The following OSGEP variants were observed in gnomAD, a reference collection of about 807,000 sequenced individuals.
OSGEP encodes the protein O-sialoglycoprotein endopeptidase.
Under a neutral mutation model 44.1 loss-of-function variants are expected in OSGEP, and 39 were observed. That is an observed-to-expected ratio of 0.88 (90% CI 0.69 to 1.16). The LOEUF (loss-of-function observed/expected upper bound fraction) is 1.16, where lower values mean the gene tolerates loss of function less well. Ranked by LOEUF, OSGEP falls within the 50% of genes most tolerant of loss-of-function variation. The pLI is 0.00. For synonymous variants in OSGEP, 139 were observed against 161.9 expected (o/e 0.86, Z 1.07); for missense variants, 403 against 443.1 (o/e 0.91, Z 0.81).
At chr14:20,451,910 A>G in intron 3 of OSGEP, 64 bp downstream of exon 3, 1 of 1,377,758 alleles carries the variant, frequency 7.3e-7, no homozygotes, top group Non-Finnish European at 9.8e-7. Context: ...CTCAGATAGA[A>G]CAAAGAAAAT....
At chr14:20,454,498 T>G in intron 1 of OSGEP, 71 bp downstream of exon 1, 1 of 1,035,576 alleles carries the variant, frequency 9.7e-7, no homozygotes, top group Non-Finnish European at 1.5e-6. Flanking sequence ...CTCACTAGTA[T>G]TTAGGAAGAT....
At chr14:20,450,781 A>G (rs1881075541) in intron 3 of OSGEP, 1 of 152,250 alleles carries the variant, frequency 6.6e-6, no homozygotes, top group African/African-American at 2.4e-5. Context: ...AAGGTCATAT[A>G]AGGTAACCCA....
rs776471934 is a variant in OSGEP, at chr14:20,449,173, T to C, written c.505A>G (p.Lys169Glu). Residue 169 changes from lysine to glutamate, a missense_variant and splice_region_variant, in exon 4 of 11, where the codon AAG (lysine) becomes GAG (glutamate). Coordinates refer to ENST00000206542, the MANE Select transcript of OSGEP (RefSeq NM_017807.4). ...TCTCTGCAGCCCCACTGGCTTACCT[T>C]CAGCACTCGAGCAAAACGATCCAGA... ...NCLDRFARVL[K>E]ISNDPSPGYN... 2 of 1,608,016 alleles carry C rather than the reference T, an allele frequency of 1.2e-6. No homozygotes were observed. The highest frequency in any genetic ancestry group is 1.7e-6 in the Non-Finnish European group (2 of 1,174,440).
chr14:20,453,693 C>T (rs987915633), intron 1 of OSGEP, among the ~76,000 whole-genome samples: 16 of 152,116 alleles, frequency 1.1e-4, no homozygotes, highest in Non-Finnish European at 2.1e-4. Flanking sequence ...ATCTAATCTT[C>T]AAGACCTAAT....
At position 20,446,989 on chromosome 14, in the gene OSGEP, G is replaced by A. The variant is rs1302288240; in HGVS notation, c.*251C>T. ...CTCATTCTTGGTTCCACAGCAGCAAGCTCCAACAAGAATTTATCCAGCACC... is the reference window on the plus strand; with the variant it reads ...CTCATTCTTGGTTCCACAGCAGCAAACTCCAACAAGAATTTATCCAGCACC... On this transcript the variant is annotated 3_prime_UTR_variant, in exon 11 of 11. Transcript: ENST00000206542. 4.6e-6 allele frequency: 2 copies of A among 430,706 alleles called. No homozygotes were observed. Among genetic ancestry groups the A allele is most frequent in the Non-Finnish European group, 8.2e-6 (2 of 243,534 alleles). 26.7% of individuals were successfully genotyped at this position (430,706 alleles called of 1,614,324 possible). A position where few individuals can be genotyped will look rare whatever the true frequency, so the allele number is the denominator to read the frequency against.
intron 10 of OSGEP, 26 bp downstream of exon 10, chr14:20,447,396 C>T (rs376269131): frequency 5.0e-6 from 8 of 1,604,030 alleles, no homozygotes; most frequent in African/African-American, 1.3e-5. Context: ...CAATAATCTA[C>T]CCTCACCAAG....
intron 1 of OSGEP, among the ~76,000 whole-genome samples, chr14:20,453,370 CT>C (rs201247417): frequency 4.5e-4 from 46 of 102,678 alleles, no homozygotes; most frequent in East Asian, 8.3e-4. Context: ...GTGTTTTGTA[CT>C]TTTTTTTTTT....
At chr14:20,453,936 T>C (rs933131731) in intron 1 of OSGEP, among the ~76,000 whole-genome samples, 3 of 152,042 alleles carry the variant, frequency 2.0e-5, no homozygotes. Context: ...GAAGAATCGC[T>C]TGAACCTGGA....
chr14:20,451,797 C>T (rs1881106138), intron 3 of OSGEP, 177 bp downstream of exon 3: 5 of 496,674 alleles, frequency 1.0e-5, no homozygotes, highest in Admixed American at 7.6e-5. Flanking sequence ...ATGTTCTGAT[C>T]ATGCTGCCAA....
intron 1 of OSGEP, among the ~76,000 whole-genome samples, chr14:20,453,277 G>T (rs962838621): frequency 6.6e-6 from 1 of 152,114 alleles, no homozygotes; most frequent in African/African-American, 2.4e-5. Flanking sequence ...CAAGTCAGCT[G>T]CCCTCTCCTA....
rs1594407909 is a variant in OSGEP at position 20,450,309 on chromosome 14, GAACCTT to G, written c.412-1049_412-1044del. 3.9e-5 allele frequency: 6 copies of G among 152,232 alleles called. No homozygotes were observed. In the East Asian group the frequency reaches 5.8e-4, roughly 15 times the overall value. 9.4% of individuals were successfully genotyped at this position (152,232 alleles called of 1,614,324 possible). On this transcript the variant is annotated intron_variant, in intron 3 of 10. Coordinates refer to ENST00000206542, the MANE Select transcript of OSGEP (RefSeq NM_017807.4). Reference sequence around the variant, plus strand: ...ACTTATAACACCGAGGGCTTCCTACGAACCTTAAGAAGTCCCTTTCCCTTCCCAGTG... The same window carrying G: ...ACTTATAACACCGAGGGCTTCCTACGAAGAAGTCCCTTTCCCTTCCCAGTG...
intron 3 of OSGEP, 169 bp from the exon 4 acceptor site, chr14:20,449,435 A>C (rs768686907): frequency 1.6e-6 from 1 of 607,146 alleles, no homozygotes; most frequent in Non-Finnish European, 3.0e-6. Flanking sequence ...CTCTGATTTG[A>C]GAAGAAATCT....
chr14:20,447,277 T>C lies in OSGEP; in HGVS notation c.971A>G (p.Tyr324Cys), dbSNP rs1397975738. ...GGTCACCTCTACTTCATCTGTCCGA[T>C]ACCTGTGGAAAAACAGAAGAAACAT... ...PLSDSGVTQR[Y>C]RTDEVEVTWR... The change falls in exon 11 of 11, where the codon TAT (tyrosine) becomes TGT (cysteine). Residue 324 changes from tyrosine (Y) to cysteine (C), a missense_variant and splice_region_variant. Transcript: ENST00000206542. 9 of 1,614,070 alleles carry C rather than the reference T, an allele frequency of 5.6e-6. No individual in the cohort carries two copies. Among genetic ancestry groups the C allele is most frequent in the African/African-American group, 2.7e-5 (2 of 74,954 alleles).
In OSGEP at chr14:20,449,227, C is replaced by T. The variant is rs374049670; in HGVS notation, c.451G>A (p.Glu151Lys). The T allele has an allele frequency of 1.2e-5, 20 of 1,613,092 alleles. No homozygotes were observed. The highest frequency in any genetic ancestry group is 1.7e-5 in the Non-Finnish European group (20 of 1,179,044). The change falls in exon 4 of 11, where the codon GAA becomes AAA. Residue 151 changes from glutamate to lysine, a missense_variant. Glu to Lys is a moderately conservative substitution (Grantham distance 56, BLOSUM62 1). Coordinates refer to ENST00000206542, the MANE Select transcript of OSGEP (RefSeq NM_017807.4). ...TTACCCACTGCAATATCGATGGTTT[C>T]CCCAAAGATACGGTAACGATGTTCC... ...YSEHRYRIFG[E>K]TIDIAVGNCL...
chr14:20,448,302 A>G (rs1881012752), intron 6 of OSGEP, 131 bp from the exon 7 acceptor site: 5 of 775,244 alleles, frequency 6.4e-6, no homozygotes, highest in South Asian at 1.4e-5. Flanking sequence ...CCTGTACCAC[A>G]TTCCCTTCAC....
chr14:20,452,599 T>G, intron 1 of OSGEP, 151 bp from the exon 2 acceptor site: 1 of 702,662 alleles, frequency 1.4e-6, no homozygotes, highest in East Asian at 2.7e-5. Context: ...ACATCTACTC[T>G]TTCCGGCTTC....
At chr14:20,449,453 C>A in intron 3 of OSGEP, 187 bp from the exon 4 acceptor site, 1 of 574,966 alleles carries the variant, frequency 1.7e-6, no homozygotes, top group South Asian at 2.0e-5. Flanking sequence ...TCTGTATACC[C>A]TGAGGATTCC....
At chr14:20,451,931 T>C (rs754392198) in intron 3 of OSGEP, 43 bp downstream of exon 3, 14 of 1,473,700 alleles carry the variant, frequency 9.5e-6, no homozygotes, top group Middle Eastern at 4.8e-4. Context: ...ACTGGTTCAG[T>C]GCCTCAGAAA....
At chr14:20,451,476 T>C (rs2139293299) in intron 3 of OSGEP, 1 of 164,834 alleles carries the variant, frequency 6.1e-6, no homozygotes, top group South Asian at 1.1e-4. Flanking sequence ...AAATTAATTT[T>C]TGTTATTTTT....
Sources: allele counts gnomAD v4.1 joint callset (sites outside exome capture counted in the v4.1 genomes callset), GRCh38; gene constraint gnomAD v4.1.1; transcripts MANE v1.5; gene names NCBI Gene and HGNC (gene_info 2026-07-23, HGNC 2026-07-21).